Variants in GTPBP4 observed in about 807,000 individuals in gnomAD.
GTPBP4 encodes GTP-binding protein 4.
A neutral mutation model predicts 81.7 loss-of-function variants in GTPBP4; 15 were observed. The ratio of observed to expected loss-of-function variants is 0.18; its 90% CI spans 0.12 to 0.28. The LOEUF (loss-of-function observed/expected upper bound fraction) is 0.28, where lower values mean the gene tolerates loss of function less well. Ranked by LOEUF, GTPBP4 falls within the 10% of genes least tolerant of loss-of-function variation. The pLI is 1.00. For missense variants in GTPBP4, 847 were observed against 793.8 expected (o/e 1.07, Z -0.81); for synonymous variants, 272 against 274.6 (o/e 0.99, Z 0.09).
chr10:1,003,871 G>C (rs557093913), intron 8 of GTPBP4, among the ~76,000 whole-genome samples: 1 of 152,298 alleles, frequency 6.6e-6, no homozygotes, highest in South Asian at 2.1e-4. Context: ...CTGGGTTTCA[G>C]CTACAGGTAC....
At position 1,005,870 on chromosome 10, in the gene GTPBP4, C is replaced by A; in HGVS notation, c.965C>A (p.Thr322Asn). The A allele has an allele frequency of 1.3e-6, 2 of 1,598,508 alleles. No individual in the cohort carries two copies. Among genetic ancestry groups the A allele is most frequent in the Non-Finnish European group, 1.7e-6 (2 of 1,170,418 alleles). ...GGATTCCCTGTAATAGAGACCAGCACCCTGACTGAGGAAGGTGTTATTAAA... is the reference window on the plus strand; with the variant it reads ...GGATTCCCTGTAATAGAGACCAGCAACCTGACTGAGGAAGGTGTTATTAAA... ...SEGFPVIETS[T>N]LTEEGVIKVK... is the part of the protein sequence containing the mutation. The change falls in exon 9 of 17, where the codon ACC becomes AAC. Residue 322 changes from threonine (T) to asparagine (N), a missense_variant. Physicochemically the swap from Thr to Asn is moderately conservative, Grantham distance 65 (BLOSUM62 0). This residue lies in a region of GTPBP4 where 600 missense variants were observed against 557.1 expected (regional missense o/e 1.08). Transcript: ENST00000360803.
chr10:1,011,287 A>G (rs1365678870), intron 13 of GTPBP4, among the ~76,000 whole-genome samples: 8 of 152,144 alleles, frequency 5.3e-5, no homozygotes, highest in Non-Finnish European at 8.8e-5. Flanking sequence ...TCCTGCCTCA[A>G]TCCCCTCCCT....
chr10:1,007,527 G>C (rs1255229181), intron 10 of GTPBP4, among the ~76,000 whole-genome samples: 1 of 152,156 alleles, frequency 6.6e-6, no homozygotes, highest in Non-Finnish European at 1.5e-5. Context: ...TTAAGCCCAG[G>C]AGTTCTTGAC....
At chr10:1,005,132 T>G (rs560980896) in intron 8 of GTPBP4, among the ~76,000 whole-genome samples, 1 of 152,034 alleles carries the variant, frequency 6.6e-6, no homozygotes, top group Non-Finnish European at 1.5e-5. Flanking sequence ...CCAGTGTGTT[T>G]TTTTTGGTTT....
intron 10 of GTPBP4, 109 bp from the exon 11 acceptor site, chr10:1,008,849 G>A: frequency 1.2e-6 from 1 of 828,884 alleles, no homozygotes; most frequent in East Asian, 2.5e-5. Context: ...GTCTGGGTAT[G>A]GTTTTCTGTT....
rs777803253 is a variant in GTPBP4 at position 1,019,860 on chromosome 10, TAAC to T, written c.*2637_*2639del. ...CTATTGACAGAAATTGGTGCAGTGT[TAAC>T]AACGCTAATGTAAAACACAGAATTT... On this transcript the variant is annotated 3_prime_UTR_variant, in exon 17 of 17. Transcript: ENST00000360803. The T allele has an allele frequency of 1.7e-5, 25 of 1,478,978 alleles. No homozygotes were observed. The highest frequency in any genetic ancestry group is 1.7e-4 in the Middle Eastern group (1 of 5,796). The allele number at this position is 1,478,978 out of a possible 1,614,324, so 91.6% of individuals were successfully genotyped here. A position where few individuals can be genotyped will look rare whatever the true frequency, so the allele number is the denominator to read the frequency against.
At chr10:991,494 A>T (rs1044501941) in intron 1 of GTPBP4, among the ~76,000 whole-genome samples, 1 of 152,120 alleles carries the variant, frequency 6.6e-6, no homozygotes, top group Non-Finnish European at 1.5e-5. Context: ...TGGAAATTAT[A>T]AACAGTGGAT....
At chr10:994,191 T>C (rs1418538247) in intron 2 of GTPBP4, among the ~76,000 whole-genome samples, 1 of 152,218 alleles carries the variant, frequency 6.6e-6, no homozygotes, top group Admixed American at 6.5e-5. Context: ...GAGTGAATGG[T>C]TTCTTGGGAA....
Position 1,018,983 on chromosome 10 carries a change from G to A in GTPBP4, c.*1756G>A, listed in dbSNP as rs948313915. 2 of 153,140 alleles carry A rather than the reference G, an allele frequency of 1.3e-5. No individual in the cohort carries two copies. Among genetic ancestry groups the A allele is most frequent in the Admixed American group, 1.3e-4 (2 of 15,422 alleles). The allele number at this position is 153,140 out of a possible 1,614,324, so 9.5% of individuals were successfully genotyped here. A position where few individuals can be genotyped will look rare whatever the true frequency, so the allele number is the denominator to read the frequency against. Reference sequence around the variant, plus strand: ...AAATGAACAGAAGTGGATAAACGTCGAGTCACTTGGCTGAGACCATACGCA... The same window carrying A: ...AAATGAACAGAAGTGGATAAACGTCAAGTCACTTGGCTGAGACCATACGCA... On this transcript the variant is annotated 3_prime_UTR_variant, in exon 17 of 17. Coordinates refer to ENST00000360803, the MANE Select transcript of GTPBP4 (RefSeq NM_012341.3).
At position 1,019,593 on chromosome 10, in the gene GTPBP4, C is replaced by T. The variant is rs905325500; in HGVS notation, c.*2366C>T. 1 of 1,613,966 alleles carries T rather than the reference C, an allele frequency of 6.2e-7. No individual in the cohort carries two copies. The highest frequency in any genetic ancestry group is 8.5e-7 in the Non-Finnish European group (1 of 1,180,012). On this transcript the variant is annotated 3_prime_UTR_variant, in exon 17 of 17. Transcript: ENST00000360803. ...GTGAGGCCACCACCGGTACAGAAACCTCTCGGCAATGGTTCTTAGCCAGGG... is the reference window on the plus strand; with the variant it reads ...GTGAGGCCACCACCGGTACAGAAACTTCTCGGCAATGGTTCTTAGCCAGGG...
At position 999,054 on chromosome 10, in the gene GTPBP4, C is replaced by G; in HGVS notation, c.613C>G (p.Leu205Val). The change falls in exon 6 of 17, where the codon CTG becomes GTG. Residue 205 changes from leucine (L) to valine (V), a missense_variant. By Grantham distance (32) the Leu-to-Val change is conservative. Coordinates refer to ENST00000360803, the MANE Select transcript of GTPBP4 (RefSeq NM_012341.3). Reference protein sequence around the residue: ...VQPYAFTTKSLFVGHMDYKYL... With the variant: ...VQPYAFTTKSVFVGHMDYKYL... ...GCCCTATGCGTTCACAACCAAGTCTCTGTTTGTTGGGCACATGGATTATAA... is the reference window on the plus strand; with the variant it reads ...GCCCTATGCGTTCACAACCAAGTCTGTGTTTGTTGGGCACATGGATTATAA... 6.2e-7 allele frequency: 1 copy of G among 1,607,558 alleles called. No individual in the cohort carries two copies. The highest frequency in any genetic ancestry group is 8.5e-7 in the Non-Finnish European group (1 of 1,173,994).
At chr10:990,356 C>T (rs1305314473) in intron 1 of GTPBP4, among the ~76,000 whole-genome samples, 2 of 151,978 alleles carry the variant, frequency 1.3e-5, no homozygotes, top group East Asian at 3.9e-4. Flanking sequence ...GAGTGCCTGT[C>T]CTGTGCATCG....
chr10:1,008,947 G>A lies in GTPBP4; in HGVS notation c.1114-11G>A. The A allele has an allele frequency of 6.3e-7, 1 of 1,595,082 alleles. No homozygotes were observed. Among genetic ancestry groups the A allele is most frequent in the South Asian group, 1.1e-5 (1 of 90,684 alleles). The stretch of plus-strand genomic sequence containing the variant: ...CATTTCACATAAATATTTTATATGG[G>A]ATCTTCTCAGGAGAGGCCCCCTTTC... On this transcript the variant is annotated splice_polypyrimidine_tract_variant and intron_variant, in intron 10 of 16. Transcript: ENST00000360803.
chr10:1,007,102 G>T lies in GTPBP4; in HGVS notation c.1087G>T (p.Ala363Ser). ...TGAGGTGCTGAATAGACTGCACCTG[G>T]CTATCCCAACCAGGAGGGACGATAA... ...VNEVLNRLHL[A>S]IPTRRDDKER... The change falls in exon 10 of 17, where the codon GCT becomes TCT. Residue 363 changes from alanine (A) to serine (S), a missense_variant. Ala to Ser is a moderately conservative substitution (Grantham distance 99). Transcript: ENST00000360803. 6.2e-7 allele frequency: 1 copy of T among 1,604,338 alleles called. No homozygotes were observed. The highest frequency in any genetic ancestry group is 8.5e-7 in the Non-Finnish European group (1 of 1,171,062).
At chr10:999,819 C>T (rs1169683899) in intron 6 of GTPBP4, among the ~76,000 whole-genome samples, 12 of 152,182 alleles carry the variant, frequency 7.9e-5, no homozygotes, top group East Asian at 3.9e-4. Flanking sequence ...ATTAGCTGGA[C>T]GTGGTGGTGG....
intron 2 of GTPBP4, among the ~76,000 whole-genome samples, chr10:993,003 G>A (rs1419140793): frequency 1.3e-5 from 2 of 152,136 alleles, no homozygotes; most frequent in African/African-American, 4.8e-5. Context: ...GCAGCTCACT[G>A]GTTGTCTGGG....
At chr10:1,006,014 G>C in intron 9 of GTPBP4, 107 bp downstream of exon 9, 1 of 673,524 alleles carries the variant, frequency 1.5e-6, no homozygotes. Flanking sequence ...TTAACACTTG[G>C]AGCCCTCGCA....
At chr10:1,001,687 T>G (rs995924809) in intron 8 of GTPBP4, among the ~76,000 whole-genome samples, 4 of 150,734 alleles carry the variant, frequency 2.7e-5, no homozygotes, top group Non-Finnish European at 5.9e-5. Flanking sequence ...GGGTGGTTTT[T>G]TTTTTTTTTT....
intron 8 of GTPBP4, among the ~76,000 whole-genome samples, chr10:1,003,104 G>A (rs993763586): frequency 1.5e-4 from 23 of 151,620 alleles, no homozygotes; most frequent in African/African-American, 4.4e-4. Context: ...ATTCTTTTTC[G>A]TTCTTCCTGC....
Sources: gnomAD v4.1 joint callset for allele counts (sites outside exome capture counted in the v4.1 genomes callset) on GRCh38, gnomAD v4.1.1 for gene constraint, gnomAD v4.1.1 regional missense constraint, MANE v1.5 for transcripts, NCBI Gene and HGNC (gene_info 2026-07-23, HGNC 2026-07-21) for gene names.